Variants in BCL7A observed in about 807,000 individuals in gnomAD.
BCL7A encodes the protein B-cell CLL/lymphoma 7 protein family member A.
Under a neutral mutation model 28.4 loss-of-function variants are expected in BCL7A, and 11 were observed. The ratio of observed to expected loss-of-function variants is 0.39; its 90% confidence interval spans 0.24 to 0.64. The LOEUF is 0.64. Ranked by LOEUF, BCL7A falls within the 30% of genes least tolerant of loss-of-function variation. BCL7A has a pLI of 0.50. For missense variants in BCL7A, 222 were observed against 274.8 expected (o/e 0.81, Z 1.36); for synonymous variants, 123 against 103.3 (o/e 1.19, Z -1.15).
At chr12:122,057,869 G>A (rs1350044277) in intron 5 of BCL7A, among the ~76,000 whole-genome samples, 1 of 152,122 alleles carries the variant, frequency 6.6e-6, no homozygotes, top group Non-Finnish European at 1.5e-5. Context: ...GGCAGAGTGG[G>A]TCTGGGCCTC....
intron 5 of BCL7A, among the ~76,000 whole-genome samples, chr12:122,057,133 G>A (rs1026300495): frequency 6.6e-6 from 1 of 152,230 alleles, no homozygotes; most frequent in Admixed American, 6.5e-5. Context: ...CATGGGTAGA[G>A]GGTGCTGTGG....
chr12:122,059,018 C>G lies in BCL7A; in HGVS notation c.562-74C>G. On this transcript the variant is annotated intron_variant, in intron 5 of 5. Coordinates refer to ENST00000261822, the MANE Select transcript of BCL7A (RefSeq NM_001024808.3). This position sits in a 1 kb window ranked among gnomAD's most constrained non-coding sequence, Gnocchi z 4.0. ...CCGCTCGGTTCCTTCCTTGGCTGAC[C>G]TTCGGCCTCACGCCTGGCCTAACTT... 7.4e-7 allele frequency: 1 copy of G among 1,358,552 alleles called. No homozygotes were observed. The highest frequency in any genetic ancestry group is 2.3e-5 in the East Asian group (1 of 43,482). The allele number at this position is 1,358,552 out of a possible 1,614,324, so 84.2% of individuals were successfully genotyped here.
chr12:122,057,586 C>T (rs1016011877), intron 5 of BCL7A, among the ~76,000 whole-genome samples: 6 of 152,104 alleles, frequency 3.9e-5, no homozygotes, highest in African/African-American at 1.4e-4. Flanking sequence ...CTGGGTCTTT[C>T]TCCCAGGCTG....
At chr12:122,057,254 G>A (rs1318671263) in intron 5 of BCL7A, among the ~76,000 whole-genome samples, 1 of 152,200 alleles carries the variant, frequency 6.6e-6, no homozygotes, top group Non-Finnish European at 1.5e-5. Flanking sequence ...CTCAAGACAG[G>A]AGCCAGCTTG....
intron 1 of BCL7A, among the ~76,000 whole-genome samples, chr12:122,025,353 C>T (rs565426617): frequency 9.7e-4 from 148 of 152,082 alleles, no homozygotes; most frequent in African/African-American, 3.5e-3. Context: ...GAGCCGGGCG[C>T]GGTGGCTCAC....
chr12:122,049,460 T>C (rs528002602), intron 4 of BCL7A, among the ~76,000 whole-genome samples: 1 of 152,000 alleles, frequency 6.6e-6, no homozygotes, highest in African/African-American at 2.4e-5. Context: ...GGCAGGTGGA[T>C]CACCTGAGGT....
At chr12:122,053,984 G>C (rs1417077640) in intron 4 of BCL7A, among the ~76,000 whole-genome samples, 3 of 152,076 alleles carry the variant, frequency 2.0e-5, no homozygotes, top group African/African-American at 7.2e-5. Flanking sequence ...TTAGTGGGGT[G>C]GTCCCTGGGT....
intron 2 of BCL7A, among the ~76,000 whole-genome samples, chr12:122,033,418 ATTC>A (rs575537706): frequency 7.9e-4 from 121 of 152,242 alleles, no homozygotes; most frequent in African/African-American, 2.8e-3. Flanking sequence ...GGTTCAAGCA[ATTC>A]TTCTGCCTCA....
At chr12:122,032,574 G>A (rs879326600) in intron 2 of BCL7A, among the ~76,000 whole-genome samples, 13 of 152,168 alleles carry the variant, frequency 8.5e-5, no homozygotes, top group East Asian at 1.9e-4. Flanking sequence ...GGGAAGGACC[G>A]GGCAGCTCTA....
chr12:122,053,349 G>A (rs949512451), intron 4 of BCL7A, among the ~76,000 whole-genome samples: 1 of 152,202 alleles, frequency 6.6e-6, no homozygotes, highest in Non-Finnish European at 1.5e-5. Context: ...CCCTGGGAAG[G>A]AGGGTCTTGC....
At chr12:122,055,016 T>C (rs1171002326) in intron 5 of BCL7A, 90 bp downstream of exon 5, 3 of 1,605,638 alleles carry the variant, frequency 1.9e-6, no homozygotes, top group Non-Finnish European at 2.6e-6. Flanking sequence ...TTCGTCATTG[T>C]GTTTTGTTGT....
rs568573973 is a variant in BCL7A, at chr12:122,050,307, G to T, written c.440-4498G>T. Among the ~76,000 whole-genome samples the T allele has an allele frequency of 3.3e-5, 5 of 151,850 alleles. No individual in the cohort carries two copies. In the East Asian group the frequency reaches 9.7e-4, roughly 29 times the overall value. The stretch of plus-strand genomic sequence containing the variant: ...GGATCCTTCTTTATTGTGGGGGGGG[G>T]GCCATCCTGTGCATTGTGGGACATT... On this transcript the variant is annotated intron_variant, in intron 4 of 5. Transcript: ENST00000261822.
At chr12:122,027,659 G>T (rs1883656752) in intron 1 of BCL7A, among the ~76,000 whole-genome samples, 1 of 152,112 alleles carries the variant, frequency 6.6e-6, no homozygotes, top group Admixed American at 6.6e-5. Context: ...CCAACATGGT[G>T]AAACCCGTCT....
intron 1 of BCL7A, among the ~76,000 whole-genome samples, 182 bp from the exon 2 acceptor site, chr12:122,030,518 G>A (rs1883719969): frequency 6.6e-6 from 1 of 152,238 alleles, no homozygotes; most frequent in Non-Finnish European, 1.5e-5. Flanking sequence ...TGTAACGGGT[G>A]GAGAAACCAG....
intron 1 of BCL7A, among the ~76,000 whole-genome samples, chr12:122,028,620 C>A (rs1372159810): frequency 6.6e-6 from 1 of 152,150 alleles, no homozygotes; most frequent in Non-Finnish European, 1.5e-5. Context: ...GAGGTGGTGT[C>A]TGGGGTCCGA....
intron 1 of BCL7A, among the ~76,000 whole-genome samples, chr12:122,023,078 T>C (rs1883509409): frequency 1.3e-5 from 2 of 152,172 alleles, no homozygotes; most frequent in Admixed American, 6.5e-5. Flanking sequence ...GGGATCACAT[T>C]AGCGTCCGCC....
chr12:122,024,938 C>G (rs1307225994), intron 1 of BCL7A, among the ~76,000 whole-genome samples: 2 of 150,706 alleles, frequency 1.3e-5, no homozygotes, highest in Non-Finnish European at 3.0e-5. Context: ...ATTACCCCCC[C>G]GACCCACCCA....
At chr12:122,041,842 C>T (rs1363964115) in intron 3 of BCL7A, among the ~76,000 whole-genome samples, 1 of 152,090 alleles carries the variant, frequency 6.6e-6, no homozygotes, top group Non-Finnish European at 1.5e-5. Flanking sequence ...TTGAAGCGGG[C>T]AGATCACCTG....
intron 3 of BCL7A, among the ~76,000 whole-genome samples, chr12:122,041,905 C>T (rs1253634267): frequency 6.6e-6 from 1 of 152,128 alleles, no homozygotes. Context: ...CCCGTCTCTA[C>T]TAAAAAATAA....
Sources: allele counts gnomAD v4.1 joint callset (sites outside exome capture counted in the v4.1 genomes callset), GRCh38; gene constraint gnomAD v4.1.1; non-coding constraint Gnocchi (gnomAD v3.1); transcripts MANE v1.5; gene names NCBI Gene and HGNC (gene_info 2026-07-23, HGNC 2026-07-21).